The following GRIA2 variants were observed in gnomAD, a reference collection of about 807,000 sequenced individuals.
GRIA2 encodes the protein glutamate ionotropic receptor AMPA type subunit 2, also known as glutamate receptor 2.
A neutral mutation model predicts 97.3 loss-of-function variants in GRIA2; 14 were observed. That is an observed-to-expected ratio of 0.14 (90% confidence interval 0.10 to 0.23). GRIA2 has a LOEUF of 0.23. Ranked by LOEUF, GRIA2 falls within the 10% of genes least tolerant of loss-of-function variation. The pLI is 1.00. For missense variants in GRIA2, 558 were observed against 1,069.8 expected (o/e 0.52, Z 6.67); for synonymous variants, 412 against 387.8 (o/e 1.06, Z -0.73).
chr4:157,258,046 C>G (rs1022645278), intron 2 of GRIA2, among the ~76,000 whole-genome samples: 3 of 152,088 alleles, frequency 2.0e-5, no homozygotes, highest in African/African-American at 7.2e-5. Context: ...ACTTTAATCT[C>G]TTAATCCCGT....
chr4:157,333,885 A>G (rs1735168158), intron 8 of GRIA2, 125 bp from the exon 9 acceptor site: 2 of 595,760 alleles, frequency 3.4e-6, no homozygotes, highest in Non-Finnish European at 3.1e-6. Context: ...AGACATTTCT[A>G]TTTAGAACAA....
intron 2 of GRIA2, among the ~76,000 whole-genome samples, chr4:157,303,096 A>G (rs1033232882): frequency 6.6e-6 from 1 of 152,152 alleles, no homozygotes; most frequent in Admixed American, 6.5e-5. Context: ...TTTGGTCAGC[A>G]TTTGGAGTCT....
At chr4:157,353,144 G>A (rs1560779443) in intron 12 of GRIA2, among the ~76,000 whole-genome samples, 1 of 147,484 alleles carries the variant, frequency 6.8e-6, no homozygotes, top group Non-Finnish European at 1.5e-5. Context: ...CCTGAGGTCG[G>A]GAGTTTGAGA....
chr4:157,306,690 A>G (rs1011113010), intron 3 of GRIA2, among the ~76,000 whole-genome samples: 1 of 152,186 alleles, frequency 6.6e-6, no homozygotes, highest in Admixed American at 6.5e-5. Context: ...GTAATATTTT[A>G]CTTGGCTCAT....
At chr4:157,287,479 C>T (rs373273472) in intron 2 of GRIA2, among the ~76,000 whole-genome samples, 2 of 151,580 alleles carry the variant, frequency 1.3e-5, no homozygotes, top group East Asian at 3.9e-4. Flanking sequence ...TGTTGGAATC[C>T]TAGGTGTCCT....
At chr4:157,316,706 T>C (rs951522327) in intron 4 of GRIA2, among the ~76,000 whole-genome samples, 1 of 152,160 alleles carries the variant, frequency 6.6e-6, no homozygotes, top group Admixed American at 6.6e-5. Context: ...TGCAAGATCA[T>C]TGGACTTTGG....
At chr4:157,228,196 T>G (rs1729834512) in intron 2 of GRIA2, among the ~76,000 whole-genome samples, 1 of 152,230 alleles carries the variant, frequency 6.6e-6, no homozygotes, top group African/African-American at 2.4e-5. Flanking sequence ...GTTATTTACC[T>G]ATTCAACACA....
chr4:157,242,358 T>C (rs1205338662), intron 2 of GRIA2, among the ~76,000 whole-genome samples: 2 of 152,076 alleles, frequency 1.3e-5, no homozygotes, highest in Non-Finnish European at 2.9e-5. Flanking sequence ...GTCAACTTTT[T>C]CTTAGCTGTT....
chr4:157,273,112 A>G (rs1732109286), intron 2 of GRIA2, among the ~76,000 whole-genome samples: 1 of 152,122 alleles, frequency 6.6e-6, no homozygotes, highest in Admixed American at 6.6e-5. Flanking sequence ...AAATATTTAC[A>G]TAGCATTTTT....
In GRIA2 at chr4:157,364,774, T is replaced by G. The variant is rs1736808406; in HGVS notation, c.*1343T>G. 1 of 152,132 alleles carries G rather than the reference T, an allele frequency of 6.6e-6. No homozygotes were observed. The highest frequency in any genetic ancestry group is 2.1e-4 in the South Asian group (1 of 4,824). The allele number at this position is 152,132 out of a possible 1,614,324, so 9.4% of individuals were successfully genotyped here. A position where few individuals can be genotyped will look rare whatever the true frequency, so the allele number is the denominator to read the frequency against. On this transcript the variant is annotated 3_prime_UTR_variant, in exon 16 of 16. Transcript: ENST00000264426. ...AATTTTAAAATATGTTTGAGTCTCCTGCAATATAGTTTCATCCCATTGACA... is the reference window on the plus strand; with the variant it reads ...AATTTTAAAATATGTTTGAGTCTCCGGCAATATAGTTTCATCCCATTGACA...
chr4:157,305,745 TC>T (rs1180371020), intron 3 of GRIA2, among the ~76,000 whole-genome samples: 1 of 152,156 alleles, frequency 6.6e-6, no homozygotes, highest in East Asian at 1.9e-4. Context: ...CAAAGCAATC[TC>T]TTTTCCTTTA....
chr4:157,282,514 G>A (rs1732652147), intron 2 of GRIA2, among the ~76,000 whole-genome samples: 1 of 152,054 alleles, frequency 6.6e-6, no homozygotes, highest in South Asian at 2.1e-4. Flanking sequence ...TGTTGACATG[G>A]ATTTCCGAAG....
At chr4:157,265,829 G>A (rs1453364066) in intron 2 of GRIA2, among the ~76,000 whole-genome samples, 2 of 152,046 alleles carry the variant, frequency 1.3e-5, no homozygotes, top group Admixed American at 6.6e-5. Flanking sequence ...AAGACTTTGG[G>A]TAGTTTTAAG....
At chr4:157,241,393 T>G (rs1730504392) in intron 2 of GRIA2, among the ~76,000 whole-genome samples, 1 of 152,138 alleles carries the variant, frequency 6.6e-6, no homozygotes, top group South Asian at 2.1e-4. Flanking sequence ...AAATGGGAAC[T>G]TTTAAAGTCC....
At chr4:157,278,645 G>C (rs1031104601) in intron 2 of GRIA2, among the ~76,000 whole-genome samples, 5 of 151,948 alleles carry the variant, frequency 3.3e-5, no homozygotes, top group African/African-American at 1.2e-4. Flanking sequence ...ATTATCTTCT[G>C]CTCTGTGAGA....
At position 157,303,423 on chromosome 4, in the gene GRIA2, T is replaced by C. The variant is rs184456710; in HGVS notation, c.230-129T>C. 1.2e-4 allele frequency: 91 copies of C among 731,024 alleles called. 1 individual carries two copies. In the East Asian group the frequency reaches 1.9e-3, roughly 15 times the overall value. The allele number at this position is 731,024 out of a possible 1,614,324, so 45.3% of individuals were successfully genotyped here. On this transcript the variant is annotated intron_variant, in intron 2 of 15. Coordinates refer to ENST00000264426, the MANE Select transcript of GRIA2 (RefSeq NM_001083619.3). Reference sequence around the variant, plus strand: ...AGTGTTAATAAATTACAATGGATCATTAAATCTATATTTCTTTCAATATGT... The same window carrying C: ...AGTGTTAATAAATTACAATGGATCACTAAATCTATATTTCTTTCAATATGT...
intron 12 of GRIA2, among the ~76,000 whole-genome samples, chr4:157,349,813 T>C (rs1258740825): frequency 6.6e-6 from 1 of 152,168 alleles, no homozygotes; most frequent in Non-Finnish European, 1.5e-5. Context: ...TATTTCTGAA[T>C]GCATGTTGTT....
At chr4:157,272,910 G>T (rs75391508) in intron 2 of GRIA2, among the ~76,000 whole-genome samples, 2,704 of 152,058 alleles carry the variant, frequency 0.018, 30 homozygotes, top group Non-Finnish European at 0.028. Context: ...CTAAGCATAG[G>T]GTTATAGAAC....
intron 2 of GRIA2, among the ~76,000 whole-genome samples, chr4:157,226,562 T>TA: frequency 6.6e-6 from 1 of 152,260 alleles, no homozygotes; most frequent in East Asian, 1.9e-4. Flanking sequence ...TATTTATTAT[T>TA]AAATTTTAGT....
Sources: allele counts gnomAD v4.1 joint callset (sites outside exome capture counted in the v4.1 genomes callset), GRCh38; gene constraint gnomAD v4.1.1; transcripts MANE v1.5; gene names NCBI Gene and HGNC (gene_info 2026-07-23, HGNC 2026-07-21).